DNAI3: variants seen among roughly 807,000 people sequenced by gnomAD.
The protein encoded by DNAI3 is WD repeat domain 63.
A neutral mutation model predicts 115.5 loss-of-function variants in DNAI3; 83 were observed. The observed-to-expected ratio is 0.72, with a 90% CI of 0.60 to 0.86. The LOEUF is 0.86. Ranked by LOEUF, DNAI3 falls within the 40% of genes least tolerant of loss-of-function variation. DNAI3 has a pLI of 0.00. For missense variants in DNAI3, 1,004 were observed against 1,075.8 expected (o/e 0.93, Z 0.93); for synonymous variants, 320 against 347.0 (o/e 0.92, Z 0.86).
chr1:85,108,830 C>G (rs1557721030), intron 15 of DNAI3, among the ~76,000 whole-genome samples: 3 of 152,180 alleles, frequency 2.0e-5, no homozygotes, highest in Admixed American at 2.0e-4. Flanking sequence ...AAATCAAAAT[C>G]ATCATGAATT....
intron 15 of DNAI3, among the ~76,000 whole-genome samples, chr1:85,109,304 C>T (rs894775977): frequency 2.6e-5 from 4 of 152,028 alleles, no homozygotes; most frequent in Non-Finnish European, 4.4e-5. Flanking sequence ...ATAAATATCA[C>T]AAGAATTATA....
Position 85,093,465 on chromosome 1 carries a change from A to G in DNAI3, c.865A>G (p.Ile289Val). ...TTTATTTTTACAAATTAGTGTTGAA[A>G]TAGCCCTGCAGCAAAATGAAATCAT... is the stretch of plus-strand genomic sequence containing the variant. ...FLNNASISVE[I>V]ALQQNEIMNT... The change falls in exon 9 of 23, where the codon ATA becomes GTA. Residue 289 changes from isoleucine to valine, a missense_variant. Transcript: ENST00000294664. 6.2e-7 allele frequency: 1 copy of G among 1,613,664 alleles called. No individual in the cohort carries two copies. The highest frequency in any genetic ancestry group is 8.5e-7 in the Non-Finnish European group (1 of 1,179,874).
intron 20 of DNAI3, among the ~76,000 whole-genome samples, chr1:85,128,286 G>A (rs1479509522): frequency 6.6e-6 from 1 of 152,142 alleles, no homozygotes; most frequent in East Asian, 1.9e-4. Context: ...AAATTCTTCT[G>A]GATGATGGTA....
At chr1:85,105,185 C>T (rs12117591) in intron 14 of DNAI3, among the ~76,000 whole-genome samples, 52,040 of 151,906 alleles carry the variant, frequency 0.34, 9,225 homozygotes, top group South Asian at 0.42. Flanking sequence ...TGACACCATA[C>T]GCCACAGAAA....
chr1:85,078,434 G>T (rs954301216), intron 3 of DNAI3, among the ~76,000 whole-genome samples: 1 of 152,212 alleles, frequency 6.6e-6, no homozygotes. Context: ...CTTGTGATTG[G>T]CACTCCTGAC....
intron 13 of DNAI3, among the ~76,000 whole-genome samples, chr1:85,100,049 G>A (rs1352729847): frequency 6.6e-6 from 1 of 152,152 alleles, no homozygotes; most frequent in Non-Finnish European, 1.5e-5. Context: ...TACCACTCAG[G>A]ACATAGGCAT....
chr1:85,088,163 A>G (rs1031773347), intron 7 of DNAI3, among the ~76,000 whole-genome samples: 4 of 152,218 alleles, frequency 2.6e-5, no homozygotes, highest in East Asian at 1.9e-4. Context: ...TTCTAAGTCA[A>G]GCCAGCCAGA....
chr1:85,081,334 T>A lies in DNAI3; in HGVS notation c.204T>A (p.Leu68=), dbSNP rs762089342. ...TCACAGATGAACAACCTTATAAGCT[T>A]ATCAATAAAGAAGACATTTTTGAGG... The part of the protein sequence containing the change: ...EDVTDEQPYK[L]INKEDIFEDL... The change falls in exon 4 of 23, where the codon CTT becomes CTA. Residue 68 remains leucine (L), a synonymous_variant. Coordinates refer to ENST00000294664, the MANE Select transcript of DNAI3 (RefSeq NM_145172.5). The A allele has an allele frequency of 1.2e-6, 2 of 1,605,742 alleles. No homozygotes were observed. The highest frequency in any genetic ancestry group is 2.7e-5 in the African/African-American group (2 of 74,148).
At chr1:85,080,520 C>T (rs1439417066) in intron 3 of DNAI3, among the ~76,000 whole-genome samples, 1 of 152,106 alleles carries the variant, frequency 6.6e-6, no homozygotes, top group East Asian at 1.9e-4. Context: ...GTGGGCAGGG[C>T]TGCAGGACCT....
chr1:85,133,103 CTT>C lies in DNAI3; in HGVS notation c.*108_*109del. ...ATATATATATAGGCTCATTTATAGA[CTT>C]TTATTTCCCTGCTATTAAAACTTTT... On this transcript the variant is annotated 3_prime_UTR_variant, in exon 23 of 23. Coordinates refer to ENST00000294664, the MANE Select transcript of DNAI3 (RefSeq NM_145172.5). 8.0e-7 allele frequency: 1 copy of C among 1,250,770 alleles called. No homozygotes were observed. The highest frequency in any genetic ancestry group is 1.1e-6 in the Non-Finnish European group (1 of 950,518). 77.5% of individuals were successfully genotyped at this position (1,250,770 alleles called of 1,614,324 possible).
intron 1 of DNAI3, among the ~76,000 whole-genome samples, chr1:85,066,483 C>G (rs561447530): frequency 7.2e-5 from 11 of 151,764 alleles, no homozygotes; most frequent in African/African-American, 1.7e-4. Flanking sequence ...CCTGCCACCA[C>G]GCCTGGATAA....
chr1:85,075,765 G>T (rs1266655172), intron 3 of DNAI3, among the ~76,000 whole-genome samples: 1 of 152,180 alleles, frequency 6.6e-6, no homozygotes, highest in African/African-American at 2.4e-5. Flanking sequence ...ATGACTTTCT[G>T]CCAGGCCCAC....
chr1:85,092,355 T>C (rs898007186), intron 8 of DNAI3, among the ~76,000 whole-genome samples: 2 of 152,234 alleles, frequency 1.3e-5, no homozygotes, highest in African/African-American at 4.8e-5. Context: ...TAGGAGTATC[T>C]GTTTTTACTG....
chr1:85,084,600 G>A lies in DNAI3; in HGVS notation c.445G>A (p.Val149Met), dbSNP rs760360688. 1.0e-5 allele frequency: 16 copies of A among 1,567,676 alleles called. No homozygotes were observed. Among genetic ancestry groups the A allele is most frequent in the South Asian group, 6.1e-5 (5 of 82,602 alleles). Residue 149 changes from valine (V) to methionine (M), a missense_variant, in exon 6 of 23, where the codon GTG becomes ATG. By Grantham distance (21) the Val-to-Met change is conservative. Around this residue, in one of 3 missense-constraint regions of DNAI3, gnomAD observed 550 missense variants for 568.1 expected, o/e 0.97. Transcript: ENST00000294664. ...ATATAAAGAACATATTCCTGAAGAT[G>A]TGTATATTTATAAACCACCTGTCTC... ...EEYKEHIPED[V>M]YIYKPPVSKP...
intron 3 of DNAI3, among the ~76,000 whole-genome samples, chr1:85,079,488 A>T (rs1654562903): frequency 1.3e-5 from 2 of 152,268 alleles, no homozygotes; most frequent in African/African-American, 4.8e-5. Context: ...GAGAGGCCAC[A>T]TACACTTTCC....
intron 22 of DNAI3, among the ~76,000 whole-genome samples, chr1:85,131,892 T>C (rs1656337118): frequency 6.6e-6 from 1 of 152,196 alleles, no homozygotes; most frequent in African/African-American, 2.4e-5. Flanking sequence ...AATAATAATA[T>C]CTTAAATTGT....
intron 8 of DNAI3, among the ~76,000 whole-genome samples, chr1:85,092,405 G>A (rs921584222): frequency 1.3e-5 from 2 of 152,042 alleles, no homozygotes; most frequent in African/African-American, 4.8e-5. Context: ...CTTATTTTAA[G>A]AAATTCACAA....
chr1:85,103,888 A>AAATAAT (rs71075819), intron 13 of DNAI3, among the ~76,000 whole-genome samples: 6,420 of 140,340 alleles, frequency 0.046, 153 homozygotes, highest in African/African-American at 0.049. Context: ...TGCCTTCTCA[A>AAATAAT]AATAATAATA....
At chr1:85,101,088 A>T (rs931605740) in intron 13 of DNAI3, among the ~76,000 whole-genome samples, 1 of 151,872 alleles carries the variant, frequency 6.6e-6, no homozygotes, top group Non-Finnish European at 1.5e-5. Flanking sequence ...AAACCTGCAC[A>T]TTGTGCACAT....
Sources: gnomAD v4.1 joint callset for allele counts (sites outside exome capture counted in the v4.1 genomes callset) on GRCh38, gnomAD v4.1.1 for gene constraint, gnomAD v4.1.1 regional missense constraint, MANE v1.5 for transcripts, NCBI Gene and HGNC (gene_info 2026-07-23, HGNC 2026-07-21) for gene names.